The following PLAGL1 variants were observed in gnomAD, a reference collection of about 807,000 sequenced individuals.
PLAGL1 encodes the protein zinc finger protein PLAGL1.
A neutral mutation model predicts 4.6 loss-of-function variants in PLAGL1; 1 was observed. That is an observed-to-expected ratio of 0.22 (90% CI 0.08 to 1.03). The LOEUF (loss-of-function observed/expected upper bound fraction) is 1.03. Among genes scored for constraint, PLAGL1 ranks in the 50% least tolerant of loss-of-function variants. PLAGL1 has a pLI of 0.58. For missense variants in PLAGL1, 464 were observed against 570.4 expected (o/e 0.81, Z 1.90); for synonymous variants, 240 against 237.8 (o/e 1.01, Z -0.08).
At chr6:144,043,762 C>T (rs1797917761) in intron 1 of PLAGL1, among the ~76,000 whole-genome samples, 1 of 152,242 alleles carries the variant, frequency 6.6e-6, no homozygotes, top group Non-Finnish European at 1.5e-5. Flanking sequence ...GTACCAGCTC[C>T]TCTTTGTAAC....
chr6:143,982,267 T>C lies in PLAGL1; in HGVS notation c.-544+2868A>G, dbSNP rs910586585. 1.3e-5 allele frequency among the ~76,000 whole-genome samples: 2 copies of C among 152,064 alleles called. No individual in the cohort carries two copies. The highest frequency in any genetic ancestry group is 4.8e-5 in the African/African-American group (2 of 41,388). On this transcript the variant is annotated intron_variant, in intron 2 of 7. Transcript: ENST00000674357. This position sits in a 1 kb window ranked among gnomAD's most constrained non-coding sequence, Gnocchi z 5.3. The stretch of plus-strand genomic sequence containing the variant: ...AGGGAAAAAGGCATGGGTGAGAGGA[T>C]GACAATTTAGGGAGGATCTGAAGGA...
At chr6:144,025,826 G>T (rs1481327046) in intron 1 of PLAGL1, among the ~76,000 whole-genome samples, 1 of 152,140 alleles carries the variant, frequency 6.6e-6, no homozygotes, top group African/African-American at 2.4e-5. Flanking sequence ...CCGGGAGGTG[G>T]AGGTTGCAGT....
rs1338612475 is a variant in PLAGL1, at chr6:144,005,485, AAATT to A, written c.-584+2601_-584+2604del. ...ATTACCTTTTCATGTGGGAATCTGA[AAATT>A]AATTAAGCTTGATCTCATAACATAA... is the stretch of plus-strand genomic sequence containing the variant. On this transcript the variant is annotated intron_variant, in intron 1 of 7. Coordinates refer to ENST00000674357, the MANE Select transcript of PLAGL1 (RefSeq NM_001317162.2). This position sits in a 1 kb window ranked among gnomAD's most constrained non-coding sequence, Gnocchi z 4.6. 3.3e-5 allele frequency: 5 copies of A among 152,202 alleles called. No homozygotes were observed. Among genetic ancestry groups the A allele is most frequent in the African/African-American group, 9.6e-5 (4 of 41,454 alleles). 9.4% of individuals were successfully genotyped at this position (152,202 alleles called of 1,614,324 possible).
rs1799605920 is a variant in PLAGL1, at chr6:144,063,656, T to G, written c.-151+812A>C. 6.6e-6 allele frequency among the ~76,000 whole-genome samples: 1 copy of G among 152,220 alleles called. No individual in the cohort carries two copies. Among genetic ancestry groups the G allele is most frequent in the African/African-American group, 2.4e-5 (1 of 41,468 alleles). On this transcript the variant is annotated intron_variant, in intron 1 of 3. Coordinates refer to the PLAGL1 transcript ENST00000437412. This position sits in a 1 kb window ranked among gnomAD's most constrained non-coding sequence, Gnocchi z 5.7. ...ATAGTTGTCACTTCACTTGGCTTTTTCAATAAAATGAACAGGTCCCGCGCT... is the reference window on the plus strand; with the variant it reads ...ATAGTTGTCACTTCACTTGGCTTTTGCAATAAAATGAACAGGTCCCGCGCT...
intron 7 of PLAGL1, among the ~76,000 whole-genome samples, chr6:143,943,031 A>ATTTTTTTTTTTTTTTTTTTTTTTTTT: frequency 1.5e-5 from 1 of 64,650 alleles, no homozygotes; most frequent in African/African-American, 5.2e-5. Context: ...GGCCTGGCTA[A>ATTTTTTTTTTTTTTTTTTTTTTTTTT]TTTTTTTTTT....
chr6:144,001,639 A>G (rs1405987764), intron 1 of PLAGL1, among the ~76,000 whole-genome samples: 2 of 152,138 alleles, frequency 1.3e-5, no homozygotes, highest in Non-Finnish European at 2.9e-5. Flanking sequence ...CTCCTAACAA[A>G]TAGACCATGG....
At chr6:144,017,667 T>C (rs1795656864) in intron 1 of PLAGL1, among the ~76,000 whole-genome samples, 1 of 152,216 alleles carries the variant, frequency 6.6e-6, no homozygotes, top group South Asian at 2.1e-4. Context: ...ATTTATTCAA[T>C]AGCCTAGTCT....
intron 1 of PLAGL1, among the ~76,000 whole-genome samples, chr6:144,062,380 CA>C (rs60916927): frequency 3.3e-3 from 280 of 85,758 alleles, no homozygotes; most frequent in Non-Finnish European, 3.6e-3. Flanking sequence ...CCGTCTCAAA[CA>C]AAAAAAAAAA....
At chr6:143,986,008 A>ATATATATATATC (rs1789058333) in intron 1 of PLAGL1, among the ~76,000 whole-genome samples, 1 of 139,014 alleles carries the variant, frequency 7.2e-6, no homozygotes, top group Non-Finnish European at 1.5e-5. Flanking sequence ...ATATATATAT[A>ATATATATATATC]TATCATTTAA....
chr6:144,000,894 TAA>T lies in PLAGL1; in HGVS notation c.-584+7194_-584+7195del, dbSNP rs1262313921. Among the ~76,000 whole-genome samples, 1 of 152,086 alleles carries T rather than the reference TAA, an allele frequency of 6.6e-6. No individual in the cohort carries two copies. Among genetic ancestry groups the T allele is most frequent in the East Asian group, 1.9e-4 (1 of 5,204 alleles). On this transcript the variant is annotated intron_variant, in intron 1 of 7. Coordinates refer to ENST00000674357, the MANE Select transcript of PLAGL1 (RefSeq NM_001317162.2). The surrounding 1 kb of genome is among the most constrained non-coding windows in gnomAD (Gnocchi z 4.1). ...TTTGTAATTCTTCATGTCATCAAAC[TAA>T]GAAAAGTCATAATCTCAATAGATGC...
intron 1 of PLAGL1, among the ~76,000 whole-genome samples, chr6:144,001,658 A>G (rs1408864275): frequency 6.6e-6 from 1 of 152,110 alleles, no homozygotes. Context: ...GGAAAGGGGG[A>G]AAAAGTAACA....
chr6:144,025,833 C>T (rs1314254832), intron 1 of PLAGL1, among the ~76,000 whole-genome samples: 6 of 152,090 alleles, frequency 3.9e-5, no homozygotes, highest in Admixed American at 3.9e-4. Flanking sequence ...GTGGAGGTTG[C>T]AGTGAGCCGA....
In PLAGL1 at chr6:143,955,252, G is replaced by A. The variant is rs1025619793; in HGVS notation, c.-325+5217C>T. Among the ~76,000 whole-genome samples, 10 of 152,070 alleles carry A rather than the reference G, an allele frequency of 6.6e-5. No homozygotes were observed. In the South Asian group the frequency reaches 1.2e-3, roughly 19 times the overall value. ...TTTACAACGTGTTCAAGAGGGAGGT[G>A]GTCTATTTCAGGCCAAGGGAATGAA... On this transcript the variant is annotated intron_variant, in intron 6 of 7. Transcript: ENST00000674357. The surrounding 1 kb of genome is among the most constrained non-coding windows in gnomAD (Gnocchi z 4.9).
upstream of PLAGL1, among the ~76,000 whole-genome samples, chr6:144,010,724 C>T (rs370175983): frequency 2.0e-5 from 3 of 152,142 alleles, no homozygotes; most frequent in South Asian, 6.2e-4. The surrounding 1 kb of genome is among the most constrained non-coding windows in gnomAD (Gnocchi z 4.1). Context: ...GCTACAGTAA[C>T]CAAAACTGCA....
intron 1 of PLAGL1, among the ~76,000 whole-genome samples, chr6:143,987,004 C>T (rs1789327637): frequency 6.6e-6 from 1 of 152,118 alleles, no homozygotes. Context: ...CAGGAAGATA[C>T]ATGCTATTAT....
rs941635631 is a variant in PLAGL1 at position 143,960,272 on chromosome 6, C to T, written c.-325+197G>A. Among the ~76,000 whole-genome samples, 2 of 152,164 alleles carry T rather than the reference C, an allele frequency of 1.3e-5. No homozygotes were observed. The highest frequency in any genetic ancestry group is 2.9e-5 in the Non-Finnish European group (2 of 68,034). On this transcript the variant is annotated intron_variant, in intron 6 of 7. Coordinates refer to ENST00000674357, the MANE Select transcript of PLAGL1 (RefSeq NM_001317162.2). The surrounding 1 kb of genome is among the most constrained non-coding windows in gnomAD (Gnocchi z 5.7). ...CATCCAATTCCCTGAAACACATGTG[C>T]ACTGAGCTTTAAAAAATGAAAGGGC...
intron 1 of PLAGL1, among the ~76,000 whole-genome samples, chr6:144,046,838 C>T (rs112754489): frequency 0.2 from 29,999 of 152,102 alleles, 3,197 homozygotes; most frequent in East Asian, 0.34. Flanking sequence ...CATTGAGCTG[C>T]GGGTGGGCTC....
intron 1 of PLAGL1, among the ~76,000 whole-genome samples, chr6:144,014,733 C>A (rs781043091): frequency 6.6e-6 from 1 of 151,994 alleles, no homozygotes; most frequent in Admixed American, 6.6e-5. Context: ...AGAGATGCCA[C>A]GGCACCCAGC....
chr6:143,999,300 C>T (rs977602702), intron 1 of PLAGL1, among the ~76,000 whole-genome samples: 1 of 152,128 alleles, frequency 6.6e-6, no homozygotes, highest in South Asian at 2.1e-4. Flanking sequence ...CTAAGTTCCT[C>T]GAGAGCAAAC....
Sources: allele counts gnomAD v4.1 joint callset (sites outside exome capture counted in the v4.1 genomes callset), GRCh38; gene constraint gnomAD v4.1.1; non-coding constraint Gnocchi (gnomAD v3.1); transcripts MANE v1.5; gene names NCBI Gene and HGNC (gene_info 2026-07-23, HGNC 2026-07-21).